Variants in PITPNM2 observed in about 807,000 individuals in gnomAD.
PITPNM2 encodes phosphatidylinositol transfer protein membrane associated 2.
In PITPNM2, 35 loss-of-function variants were observed where a neutral mutation model predicts 132.2. The ratio of observed to expected loss-of-function variants is 0.26; its 90% CI spans 0.20 to 0.35. The LOEUF is 0.35. Among genes scored for constraint, PITPNM2 ranks in the 10% least tolerant of loss-of-function variants. The pLI is 1.00. For missense variants in PITPNM2, 1,332 were observed against 1,912.0 expected (o/e 0.70, Z 5.66); for synonymous variants, 738 against 799.2 (o/e 0.92, Z 1.29).
chr12:123,112,586 T>C (rs1356162732), intron 1 of PITPNM2, among the ~76,000 whole-genome samples: 1 of 151,444 alleles, frequency 6.6e-6, no homozygotes, highest in Non-Finnish European at 1.5e-5. Context: ...TCACCCAGGC[T>C]GGAGTGCAGT....
chr12:122,995,429 C>T lies in PITPNM2; in HGVS notation c.2014G>A (p.Glu672Lys), dbSNP rs750690652. The T allele has an allele frequency of 1.2e-6, 2 of 1,612,592 alleles. No homozygotes were observed. The highest frequency in any genetic ancestry group is 1.3e-5 in the African/African-American group (1 of 75,050). ...TGGTGCTGCTGGATGGTATCCAGCT[C>T]GTAGGTGGATGAGTCGCTCCTCTTG... ...PRKRSDSSTY[E>K]LDTIQQHQAF... Residue 672 changes from glutamate to lysine, a missense_variant, in exon 14 of 26, where the codon GAG becomes AAG. Coordinates refer to ENST00000320201, the MANE Select transcript of PITPNM2 (RefSeq NM_020845.3).
chr12:123,143,518 G>A (rs1326991596), intron 1 of PITPNM2, among the ~76,000 whole-genome samples: 1 of 152,206 alleles, frequency 6.6e-6, no homozygotes, highest in Non-Finnish European at 1.5e-5. Context: ...CAAAAGACTT[G>A]GGAAAGCTTC....
rs780621421 is a variant in PITPNM2 at position 122,995,595 on chromosome 12, G to A, written c.1848C>T (p.Gly616=). The change falls in exon 14 of 26, where the codon GGC becomes GGT. Residue 616 remains glycine (G), a synonymous_variant. Transcript: ENST00000320201. ...NAAHCCGGGG[G]GGGGGGSSGG... The stretch of plus-strand genomic sequence containing the variant: ...CACTGCTGCCACCACCGCCACCGCC[G>A]CCACCGCCACCACCGCAGCAGTGTG... The A allele has an allele frequency of 6.9e-6, 11 of 1,600,998 alleles. No homozygotes were observed. Among genetic ancestry groups the A allele is most frequent in the South Asian group, 1.1e-5 (1 of 90,882 alleles).
At chr12:123,032,798 C>T (rs74654764) in intron 3 of PITPNM2, among the ~76,000 whole-genome samples, 6,511 of 152,322 alleles carry the variant, frequency 0.043, 189 homozygotes, top group East Asian at 0.17. Context: ...TCTCTCTCCA[C>T]TCTCTAGAAA....
rs557106666 is a variant in PITPNM2 at position 122,996,493 on chromosome 12, T to C, written c.1747A>G (p.Ser583Gly). Residue 583 changes from serine (S) to glycine (G), a missense_variant, in exon 13 of 26, where the codon AGC becomes GGC. Ser to Gly is a moderately conservative substitution (Grantham distance 56). Around this residue, in one of 6 missense-constraint regions of PITPNM2, gnomAD observed 710 missense variants for 911.5 expected, o/e 0.78. Coordinates refer to ENST00000320201, the MANE Select transcript of PITPNM2 (RefSeq NM_020845.3). ...YSNQPVSESQSSSRRGSVVSM... is the reference protein window; with the variant it reads ...YSNQPVSESQGSSRRGSVVSM... ...ACCACGCTGCCCCGGCGGCTGCTGC[T>C]CTGACTCTCAGACACCGGCTGGTTA... 1.9e-6 allele frequency: 3 copies of C among 1,613,122 alleles called. No homozygotes were observed. The highest frequency in any genetic ancestry group is 3.3e-5 in the Admixed American group (2 of 60,020).
At position 122,993,118 on chromosome 12, in the gene PITPNM2, C is replaced by T. The variant is rs143989561; in HGVS notation, c.2234-449G>A. Among the ~76,000 whole-genome samples, 25 of 152,324 alleles carry T rather than the reference C, an allele frequency of 1.6e-4. No homozygotes were observed. In the East Asian group the frequency reaches 3.5e-3, roughly 21 times the overall value. On this transcript the variant is annotated intron_variant, in intron 15 of 25. Transcript: ENST00000320201. The surrounding 1 kb of genome is among the most constrained non-coding windows in gnomAD (Gnocchi z 5.2). ...CTGGGATTACAGGCGTGAGCCACCA[C>T]GCCTGACCTCTAATTTTTTTTCATT...
At chr12:123,040,113 G>A (rs979189785) in intron 2 of PITPNM2, among the ~76,000 whole-genome samples, 3 of 152,156 alleles carry the variant, frequency 2.0e-5, no homozygotes, top group African/African-American at 4.8e-5. Flanking sequence ...CTGGGCAACA[G>A]AGCGAGACCC....
chr12:123,132,316 G>C (rs906327558), intron 1 of PITPNM2, among the ~76,000 whole-genome samples: 2 of 152,120 alleles, frequency 1.3e-5, no homozygotes, highest in East Asian at 3.9e-4. Flanking sequence ...AGAGCATGGC[G>C]GGTACACTGC....
At chr12:123,019,508 A>G (rs1196770273) in intron 3 of PITPNM2, among the ~76,000 whole-genome samples, 1 of 152,238 alleles carries the variant, frequency 6.6e-6, no homozygotes, top group African/African-American at 2.4e-5. Flanking sequence ...CCACTCAGCC[A>G]TCTCCCTGAC....
intron 1 of PITPNM2, among the ~76,000 whole-genome samples, chr12:123,138,417 G>A (rs1384565800): frequency 3.3e-5 from 5 of 152,110 alleles, no homozygotes; most frequent in Non-Finnish European, 7.4e-5. Flanking sequence ...CACTGCACAA[G>A]CAACAGAGAG....
chr12:123,032,931 A>G (rs2040144550), intron 3 of PITPNM2, among the ~76,000 whole-genome samples: 1 of 152,154 alleles, frequency 6.6e-6, no homozygotes, highest in Non-Finnish European at 1.5e-5. Context: ...GCTCCCACAT[A>G]GGGGAGCCTG....
rs2040265093 is a variant in PITPNM2, at chr12:123,036,302, CAG to C, written c.-95-1619_-95-1618del. On this transcript the variant is annotated intron_variant, in intron 2 of 25. Transcript: ENST00000320201. The surrounding 1 kb of genome is among the most constrained non-coding windows in gnomAD (Gnocchi z 4.1). ...TAAATAAGCCACTTAGGGAGAAAGA[CAG>C]AGAGAGGAAAGGTCTGATAAAGGGG... Among the ~76,000 whole-genome samples, 1 of 152,200 alleles carries C rather than the reference CAG, an allele frequency of 6.6e-6. No homozygotes were observed. Among genetic ancestry groups the C allele is most frequent in the Admixed American group, 6.5e-5 (1 of 15,286 alleles).
rs144037989 is a variant in PITPNM2 at position 122,988,636 on chromosome 12, T to A, written c.2880+88A>T. The A allele has an allele frequency of 1.3e-3, 1,708 of 1,346,240 alleles. 16 individuals are homozygous for A. The African/African-American group carries it at 0.017, about 13-fold the overall frequency. The allele number at this position is 1,346,240 out of a possible 1,614,324, so 83.4% of individuals were successfully genotyped here. ...GTGATCTGATGGGGTTGGAGAGGAG[T>A]CCCCACTGTCCCCTCGTCTGTGAAA... On this transcript the variant is annotated intron_variant, in intron 19 of 25. Coordinates refer to ENST00000320201, the MANE Select transcript of PITPNM2 (RefSeq NM_020845.3).
At chr12:123,102,963 G>A (rs897551285) in intron 2 of PITPNM2, among the ~76,000 whole-genome samples, 5 of 152,162 alleles carry the variant, frequency 3.3e-5, no homozygotes, top group African/African-American at 1.2e-4. Flanking sequence ...TCACTCAGTC[G>A]CCCAGGCTGG....
intron 2 of PITPNM2, among the ~76,000 whole-genome samples, chr12:123,094,923 A>G (rs1276060535): frequency 6.6e-6 from 1 of 152,224 alleles, no homozygotes; most frequent in Non-Finnish European, 1.5e-5. Context: ...TCTATTTATC[A>G]GTACACCCTC....
chr12:123,051,019 A>G (rs2040838584), intron 2 of PITPNM2, among the ~76,000 whole-genome samples: 1 of 152,196 alleles, frequency 6.6e-6, no homozygotes. Context: ...TGCCATTCTC[A>G]TGTACTACAA....
chr12:123,123,951 T>A (rs1047148415), intron 1 of PITPNM2, among the ~76,000 whole-genome samples: 8 of 146,608 alleles, frequency 5.5e-5, no homozygotes, highest in African/African-American at 1.5e-4. Flanking sequence ...AAAAAAAAAA[T>A]TAAAATTTAA....
In PITPNM2 at chr12:122,985,676, G is replaced by T. The variant is rs920676893; in HGVS notation, c.*351C>A. ...CTGGGAGTGAGGGTGGCCAGTGGAT[G>T]GGGAGGTGGCAGGCTGCGCCTGGGC... On this transcript the variant is annotated 3_prime_UTR_variant, in exon 26 of 26. Transcript: ENST00000320201. The T allele has an allele frequency of 8.2e-6, 2 of 244,176 alleles. No homozygotes were observed. The highest frequency in any genetic ancestry group is 1.6e-5 in the Non-Finnish European group (2 of 127,460). 15.1% of individuals were successfully genotyped at this position (244,176 alleles called of 1,614,324 possible). A position where few individuals can be genotyped will look rare whatever the true frequency, so the allele number is the denominator to read the frequency against.
At chr12:123,137,785 C>G (rs1002244557) in intron 1 of PITPNM2, among the ~76,000 whole-genome samples, 3 of 151,006 alleles carry the variant, frequency 2.0e-5, no homozygotes, top group Non-Finnish European at 4.4e-5. Context: ...GCCAGCTACT[C>G]AGGAGGCTGA....
Sources: allele counts gnomAD v4.1 joint callset (sites outside exome capture counted in the v4.1 genomes callset), GRCh38; gene constraint gnomAD v4.1.1; regional missense constraint gnomAD v4.1.1; non-coding constraint Gnocchi (gnomAD v3.1); transcripts MANE v1.5; gene names NCBI Gene and HGNC (gene_info 2026-07-23, HGNC 2026-07-21).